Variants in AFF3 observed in about 807,000 individuals in gnomAD.
The protein encoded by AFF3 is AF4/FMR2 family member 3.
AFF3 carries 32 observed loss-of-function variants against 129.7 expected under a neutral mutation model. The observed-to-expected ratio is 0.25, with a 90% CI of 0.19 to 0.33. The LOEUF (loss-of-function observed/expected upper bound fraction) is 0.33. AFF3 is among the 10% of genes least tolerant of loss of function. The probability of loss-of-function intolerance (pLI) is 1.00; values close to 1 mark genes in which losing one functional copy is unlikely to be tolerated. For synonymous variants in AFF3, 644 were observed against 635.4 expected (o/e 1.01, Z -0.20); for missense variants, 1,373 against 1,592.0 (o/e 0.86, Z 2.34).
chr2:99,853,479 T>C (rs1304485888), intron 7 of AFF3, among the ~76,000 whole-genome samples: 2 of 152,202 alleles, frequency 1.3e-5, no homozygotes, highest in African/African-American at 4.8e-5. Flanking sequence ...TGAACACATC[T>C]TGTTTTAGGT....
intron 7 of AFF3, among the ~76,000 whole-genome samples, chr2:99,839,211 G>T (rs1361634695): frequency 6.6e-6 from 1 of 152,074 alleles, no homozygotes; most frequent in Non-Finnish European, 1.5e-5. Context: ...CTGGGTTCAG[G>T]CGATTCTTCT....
intron 8 of AFF3, among the ~76,000 whole-genome samples, chr2:99,827,796 T>C (rs766600127): frequency 2.0e-5 from 3 of 151,476 alleles, no homozygotes; most frequent in Non-Finnish European, 4.4e-5. Context: ...AGAGAGGAGG[T>C]GCTCACTCCT....
chr2:99,963,327 T>C (rs568471837), intron 7 of AFF3, among the ~76,000 whole-genome samples: 1 of 152,248 alleles, frequency 6.6e-6, no homozygotes, highest in East Asian at 1.9e-4. Flanking sequence ...AGAACCAAGT[T>C]TGAAACTTCA....
intron 12 of AFF3, among the ~76,000 whole-genome samples, chr2:99,656,359 A>G (rs1467785422): frequency 1.3e-5 from 2 of 152,168 alleles, no homozygotes; most frequent in Non-Finnish European, 2.9e-5. Context: ...TTCTGCTGAC[A>G]ATAAAGGAGG....
intron 8 of AFF3, among the ~76,000 whole-genome samples, chr2:99,831,477 C>A (rs1375418515): frequency 6.6e-6 from 1 of 152,156 alleles, no homozygotes; most frequent in Non-Finnish European, 1.5e-5. Context: ...GAGAAGAACA[C>A]TCAAATGAAA....
intron 24 of AFF3, 48 bp downstream of exon 24, chr2:99,554,263 G>T: frequency 1.2e-6 from 2 of 1,600,408 alleles, no homozygotes; most frequent in South Asian, 1.1e-5. Flanking sequence ...AGAATCGCTT[G>T]AACCCGGGAG....
At chr2:99,640,284 G>T (rs1279630808) in intron 13 of AFF3, among the ~76,000 whole-genome samples, 1 of 151,664 alleles carries the variant, frequency 6.6e-6, no homozygotes, top group Admixed American at 6.6e-5. Context: ...TCTTCTCTTG[G>T]TTTTTAAGCC....
rs180822587 is a variant in AFF3 at position 99,986,028 on chromosome 2, G to A, written c.873+20604C>T. Among the ~76,000 whole-genome samples, 172 of 151,780 alleles carry A rather than the reference G, an allele frequency of 1.1e-3. 2 individuals are homozygous for A. The highest frequency in any genetic ancestry group is 6.8e-3 in the Middle Eastern group (2 of 294). ...ATCCTGGCTAACATGGTGAAACCCC[G>A]TCTCTGCTAAAAATACAAAAAAATT... On this transcript the variant is annotated intron_variant, in intron 7 of 24. Coordinates refer to ENST00000672756, the MANE Select transcript of AFF3 (RefSeq NM_001386135.1).
At chr2:99,871,326 C>A (rs1023209043) in intron 7 of AFF3, among the ~76,000 whole-genome samples, 2 of 152,240 alleles carry the variant, frequency 1.3e-5, no homozygotes, top group South Asian at 4.1e-4. Context: ...CAGCAAAGTG[C>A]CTGGCATCTA....
At chr2:99,734,686 C>A (rs1049913838) in intron 10 of AFF3, among the ~76,000 whole-genome samples, 2 of 151,818 alleles carry the variant, frequency 1.3e-5, no homozygotes, top group African/African-American at 4.8e-5. Flanking sequence ...TAAAAAGGAT[C>A]CAATTTTGAA....
chr2:99,790,235 C>G (rs906765954), intron 8 of AFF3, among the ~76,000 whole-genome samples: 1 of 152,238 alleles, frequency 6.6e-6, no homozygotes, highest in Admixed American at 6.5e-5. Flanking sequence ...AAAGCCCATA[C>G]AGTAAGTGCT....
chr2:100,026,362 C>T (rs1684042503), intron 4 of AFF3, among the ~76,000 whole-genome samples: 1 of 152,160 alleles, frequency 6.6e-6, no homozygotes, highest in Non-Finnish European at 1.5e-5. Flanking sequence ...TACCTTACTC[C>T]TGCAAGAATG....
At chr2:100,013,825 G>A (rs889151559) in intron 4 of AFF3, among the ~76,000 whole-genome samples, 1 of 152,114 alleles carries the variant, frequency 6.6e-6, no homozygotes, top group Non-Finnish European at 1.5e-5. Flanking sequence ...ATGTAACCTA[G>A]AATTGTGGAA....
At chr2:99,779,842 T>C (rs1035809343) in intron 8 of AFF3, among the ~76,000 whole-genome samples, 8 of 152,202 alleles carry the variant, frequency 5.3e-5, no homozygotes, top group African/African-American at 1.9e-4. Context: ...CTCAGAAACT[T>C]CTCCAAGGAT....
At chr2:100,083,900 C>G (rs1219156716) in intron 4 of AFF3, among the ~76,000 whole-genome samples, 1 of 151,974 alleles carries the variant, frequency 6.6e-6, no homozygotes, top group African/African-American at 2.4e-5. Context: ...AAAGTGCTGC[C>G]CTTGTCTCAG....
intron 8 of AFF3, among the ~76,000 whole-genome samples, chr2:99,821,053 A>C (rs950933485): frequency 6.6e-6 from 1 of 151,720 alleles, no homozygotes; most frequent in Non-Finnish European, 1.5e-5. Flanking sequence ...TTGTATTTTT[A>C]GTACAGACGG....
intron 7 of AFF3, among the ~76,000 whole-genome samples, chr2:99,999,422 T>C (rs1183902756): frequency 6.6e-6 from 1 of 152,178 alleles, no homozygotes; most frequent in Non-Finnish European, 1.5e-5. Flanking sequence ...TAAGTATCTA[T>C]TGAGCACAAA....
chr2:99,743,219 C>T (rs573603245), intron 10 of AFF3, among the ~76,000 whole-genome samples: 3 of 152,326 alleles, frequency 2.0e-5, no homozygotes, highest in South Asian at 2.1e-4. Context: ...CCCCCTCCAC[C>T]GGCCTTTCTC....
chr2:99,974,032 T>C (rs1678641812), intron 7 of AFF3, among the ~76,000 whole-genome samples: 1 of 152,212 alleles, frequency 6.6e-6, no homozygotes, highest in South Asian at 2.1e-4. Flanking sequence ...TCACCTGTGA[T>C]TTTCTGAGCT....
Sources: gnomAD v4.1 joint callset for allele counts (sites outside exome capture counted in the v4.1 genomes callset) on GRCh38, gnomAD v4.1.1 for gene constraint, MANE v1.5 for transcripts, NCBI Gene and HGNC (gene_info 2026-07-23, HGNC 2026-07-21) for gene names.